GGT1: variants seen among roughly 807,000 people sequenced by gnomAD.
GGT1 encodes the protein gamma-glutamyltransferase 1.
GGT1 carries 21 observed loss-of-function variants against 56.0 expected under a neutral mutation model. The observed-to-expected ratio is 0.38, with a 90% CI of 0.27 to 0.54. GGT1 has a LOEUF of 0.54. GGT1 is among the 20% of genes least tolerant of loss of function. The pLI is 0.82. For synonymous variants in GGT1, 238 were observed against 342.6 expected (o/e 0.69, Z 3.37); for missense variants, 466 against 787.0 (o/e 0.59, Z 4.88).
the GGT1 span, chr22:24,589,185 G>C: frequency 2.9e-5 from 35 of 1,187,440 alleles, no homozygotes; most frequent in Admixed American, 1.6e-4. Flanking sequence ...CCGGTGGCTG[G>C]TCACAGCCAC....
chr22:24,625,199 A>G (rs1178596247), intron 11 of GGT1, among the ~76,000 whole-genome samples: 1 of 152,216 alleles, frequency 6.6e-6, no homozygotes, highest in Non-Finnish European at 1.5e-5. Context: ...ACTTGAACAT[A>G]GCACAGCAGG....
intron 5 of GGT1, among the ~76,000 whole-genome samples, chr22:24,611,674 A>G (rs1015103346): frequency 4.6e-5 from 7 of 151,098 alleles, no homozygotes; most frequent in African/African-American, 1.7e-4. Context: ...GTGCAATCTC[A>G]GTTAACTGCA....
rs777883725 is a variant in GGT1, at chr22:24,620,501, G to A, written c.556G>A (p.Glu186Lys). Residue 186 changes from glutamate (E) to lysine (K), a missense_variant, in exon 8 of 16, where the codon GAG becomes AAG. Transcript: ENST00000400382. The surrounding 1 kb of genome is among the most constrained non-coding windows in gnomAD (Gnocchi z 5.6). ...AALENKRTVI[E>K]QQPVLCEVFC... ...CCTGGAAAACAAGCGGACCGTCATC[G>A]AGCAGCAGCCTGTCTTGTGGTATGT... The A allele has an allele frequency of 3.1e-6, 5 of 1,611,892 alleles. No individual in the cohort carries two copies. Among genetic ancestry groups the A allele is most frequent in the South Asian group, 2.2e-5 (2 of 90,982 alleles).
chr22:24,596,612 G>A (rs560131107), intron 1 of GGT1, among the ~76,000 whole-genome samples: 25 of 152,058 alleles, frequency 1.6e-4, no homozygotes, highest in African/African-American at 5.3e-4. Context: ...TTGTAATAAC[G>A]CTAGTGCCTG....
At chr22:24,627,209 GGACCAGGCA>G (rs1278548556) in intron 11 of GGT1, 1 of 1,237,062 alleles carries the variant, frequency 8.1e-7, no homozygotes, top group Admixed American at 2.9e-5. Context: ...TGGAGGCTGA[GGACCAGGCA>G]GACAGACATT....
At chr22:24,611,754 G>A (rs1432975184) in intron 5 of GGT1, among the ~76,000 whole-genome samples, 3 of 150,806 alleles carry the variant, frequency 2.0e-5, no homozygotes, top group East Asian at 3.9e-4. Context: ...ACAGGCGTGC[G>A]CCACCACGCC....
At chr22:24,599,804 A>G (rs1310443019), upstream of GGT1, among the ~76,000 whole-genome samples, 1 of 152,124 alleles carries the variant, frequency 6.6e-6, no homozygotes, top group Non-Finnish European at 1.5e-5. Flanking sequence ...AGGTGCTGCT[A>G]TGAGGCAGGG....
upstream of GGT1, among the ~76,000 whole-genome samples, chr22:24,593,455 GAA>G (rs1361134080): frequency 1.3e-5 from 2 of 152,130 alleles, no homozygotes; most frequent in Non-Finnish European, 1.5e-5. Context: ...ATTGCTTTTA[GAA>G]ATATGCCCTG....
Position 24,606,293 on chromosome 22 carries a change from T to G in GGT1, c.-428-1661T>G. On this transcript the variant is annotated intron_variant, in intron 1 of 15. Coordinates refer to ENST00000400382, the MANE Select transcript of GGT1 (RefSeq NM_001288833.2). The stretch of plus-strand genomic sequence containing the variant: ...CTAATGCTATCCCTCCCCGTTCCCC[T>G]CACCCCACAACAGGCCCCAGTGTGT... 1.3e-5 allele frequency among the ~76,000 whole-genome samples: 2 copies of G among 151,370 alleles called. 1 individual carries two copies. Among genetic ancestry groups the G allele is most frequent in the East Asian group, 3.9e-4 (2 of 5,166 alleles).
chr22:24,585,256 C>G, the GGT1 span, among the ~76,000 whole-genome samples: 3 of 152,198 alleles, frequency 2.0e-5, no homozygotes, highest in African/African-American at 7.2e-5. Context: ...CAGCCTTGTC[C>G]CCTGCCCAGA....
chr22:24,595,370 G>A (rs1359767085), intron 1 of GGT1, among the ~76,000 whole-genome samples: 1 of 152,202 alleles, frequency 6.6e-6, no homozygotes, highest in Non-Finnish European at 1.5e-5. Flanking sequence ...CAGGCATGGG[G>A]GCATGATTCC....
rs1369736855 is a variant in GGT1 at position 24,620,438 on chromosome 22, C to T, written c.493C>T (p.Arg165Cys). The change falls in exon 8 of 16, where the codon CGC becomes TGC. Residue 165 changes from arginine to cysteine, a missense_variant. Arg to Cys is a radical substitution (Grantham distance 180, BLOSUM62 -3). This residue lies in a region of GGT1 where 456 missense variants were observed against 716.7 expected (regional missense o/e 0.64). Coordinates refer to ENST00000400382, the MANE Select transcript of GGT1 (RefSeq NM_001288833.2). The surrounding 1 kb of genome is among the most constrained non-coding windows in gnomAD (Gnocchi z 5.6). Reference sequence around the variant, plus strand: ...CTTCCAGCCCAGCATCCAGCTGGCCCGCCAGGGCTTCCCCGTGGGCAAGGG... The same window carrying T: ...CTTCCAGCCCAGCATCCAGCTGGCCTGCCAGGGCTTCCCCGTGGGCAAGGG... ...RLFQPSIQLA[R>C]QGFPVGKGLA... 9 of 1,611,608 alleles carry T rather than the reference C, an allele frequency of 5.6e-6. No individual in the cohort carries two copies. The Admixed American group carries it at 8.3e-5, about 15-fold the overall frequency.
chr22:24,592,253 GT>G, upstream of GGT1: 1 of 463,336 alleles, frequency 2.2e-6, no homozygotes, highest in Non-Finnish European at 4.4e-6. Flanking sequence ...ACCGGACCGA[GT>G]GTTGTGATGC....
At chr22:24,591,113 C>T (rs2045554776), upstream of GGT1, among the ~76,000 whole-genome samples, 1 of 152,224 alleles carries the variant, frequency 6.6e-6, no homozygotes, top group South Asian at 2.1e-4. Context: ...GAGTTTTGCT[C>T]TTGTTGCCCG....
At position 24,620,329 on chromosome 22, in the gene GGT1, G is replaced by A. The variant is rs4049844; in HGVS notation, c.384G>A (p.Gly128=). 1.9e-6 allele frequency: 3 copies of A among 1,611,678 alleles called. No homozygotes were observed. Among genetic ancestry groups the A allele is most frequent in the Non-Finnish European group, 2.5e-6 (3 of 1,179,754 alleles). The change falls in exon 8 of 16, where the codon GGG becomes GGA. Residue 128 remains glycine (G), a splice_region_variant and synonymous_variant. Coordinates refer to ENST00000400382, the MANE Select transcript of GGT1 (RefSeq NM_001288833.2). The surrounding 1 kb of genome is among the most constrained non-coding windows in gnomAD (Gnocchi z 5.6). ...MFNSSEQSQK[G]GLSVAVPGEI... ...CTAACTATGGCTCTCTCTCCCCAGG[G>A]GGGCTGTCGGTGGCGGTGCCTGGGG...
chr22:24,625,687 G>A (rs1473620393), intron 11 of GGT1, among the ~76,000 whole-genome samples: 69 of 151,664 alleles, frequency 4.5e-4, no homozygotes, highest in Non-Finnish European at 8.7e-4. Context: ...GATTACAGGC[G>A]CCCGCCACAC....
chr22:24,626,023 C>A (rs939100811), intron 11 of GGT1, among the ~76,000 whole-genome samples: 1 of 133,162 alleles, frequency 7.5e-6, no homozygotes, highest in African/African-American at 3.4e-5. Flanking sequence ...CTCTGTCCCC[C>A]AGGCTGTCCC....
Position 24,620,210 on chromosome 22 carries a change from C to T in GGT1, c.383-118C>T. ...AAAAAAGAAAAAAAAAAAATCTTTCCTCCTAAGCCTCATTGCCCCATCTGT... is the reference window on the plus strand; with the variant it reads ...AAAAAAGAAAAAAAAAAAATCTTTCTTCCTAAGCCTCATTGCCCCATCTGT... On this transcript the variant is annotated intron_variant, in intron 7 of 15. Transcript: ENST00000400382. This position sits in a 1 kb window ranked among gnomAD's most constrained non-coding sequence, Gnocchi z 5.6. The T allele has an allele frequency of 2.4e-6, 3 of 1,267,560 alleles. No homozygotes were observed. Among genetic ancestry groups the T allele is most frequent in the Non-Finnish European group, 3.3e-6 (3 of 922,690 alleles). 78.5% of individuals were successfully genotyped at this position (1,267,560 alleles called of 1,614,324 possible).
rs376979733 is a variant in GGT1 at position 24,615,255 on chromosome 22, T to G, written c.382+128T>G. 3.3e-3 allele frequency: 2,143 copies of G among 654,778 alleles called. 10 individuals are homozygous for G. The highest frequency in any genetic ancestry group is 5.9e-3 in the East Asian group (218 of 36,768). 40.6% of individuals were successfully genotyped at this position (654,778 alleles called of 1,614,324 possible). The stretch of plus-strand genomic sequence containing the variant: ...TTCTGTCACCCCCCATCCCTTCCTG[T>G]CCCCATAGCACCCTCCCACAATGAG... On this transcript the variant is annotated intron_variant, in intron 7 of 15. Transcript: ENST00000400382.
Sources: gnomAD v4.1 joint callset for allele counts (sites outside exome capture counted in the v4.1 genomes callset) on GRCh38, gnomAD v4.1.1 for gene constraint, gnomAD v4.1.1 regional missense constraint, Gnocchi (gnomAD v3.1) non-coding constraint, MANE v1.5 for transcripts, NCBI Gene and HGNC (gene_info 2026-07-23, HGNC 2026-07-21) for gene names.